NRXN3: variants seen among roughly 807,000 people sequenced by gnomAD.
NRXN3 encodes neurexin 3, also known as neurexin III.
A neutral mutation model predicts 137.6 loss-of-function variants in NRXN3; 32 were observed. That is an observed-to-expected ratio of 0.23 (90% CI 0.18 to 0.31). The LOEUF is 0.31. Ranked by LOEUF, NRXN3 falls within the 10% of genes least tolerant of loss-of-function variation. The pLI, the probability that NRXN3 is intolerant of heterozygous loss-of-function variation, is 1.00. For missense variants in NRXN3, 1,574 were observed against 2,062.5 expected (o/e 0.76, Z 4.59); for synonymous variants, 798 against 784.5 (o/e 1.02, Z -0.29).
At chr14:79,262,600 A>G (rs1436444289) in intron 15 of NRXN3, among the ~76,000 whole-genome samples, 8 of 151,988 alleles carry the variant, frequency 5.3e-5, no homozygotes, top group Non-Finnish European at 7.4e-5. Context: ...GAGAAGAAGA[A>G]TCATTTTTCC....
At chr14:79,677,572 G>C (rs968232312) in intron 17 of NRXN3, among the ~76,000 whole-genome samples, 6 of 152,064 alleles carry the variant, frequency 3.9e-5, no homozygotes, top group African/African-American at 9.7e-5. Context: ...TGTTCTCAGG[G>C]AGCAATTGAG....
chr14:79,114,935 A>G (rs1430208126), intron 15 of NRXN3, among the ~76,000 whole-genome samples: 1 of 152,118 alleles, frequency 6.6e-6, no homozygotes, highest in Non-Finnish European at 1.5e-5. Context: ...TCCCAGAGGT[A>G]TTATCTTTAA....
chr14:78,619,081 G>A (rs1876467420), intron 4 of NRXN3, among the ~76,000 whole-genome samples: 2 of 152,150 alleles, frequency 1.3e-5, no homozygotes, highest in African/African-American at 2.4e-5. Flanking sequence ...ATCAGGGAGG[G>A]AGGAGCATCG....
intron 10 of NRXN3, among the ~76,000 whole-genome samples, chr14:78,876,577 C>T (rs760365550): frequency 3.3e-5 from 5 of 152,224 alleles, no homozygotes; most frequent in Admixed American, 2.0e-4. Flanking sequence ...GACTCACATG[C>T]CAGGTAACAT....
chr14:79,730,099 C>T (rs899629360), intron 19 of NRXN3, among the ~76,000 whole-genome samples: 3 of 151,998 alleles, frequency 2.0e-5, no homozygotes, highest in Non-Finnish European at 2.9e-5. Context: ...TTTAATGGAC[C>T]GAGGAAGAAG....
At chr14:78,985,500 A>G (rs1321731265) in intron 14 of NRXN3, among the ~76,000 whole-genome samples, 3 of 152,232 alleles carry the variant, frequency 2.0e-5, no homozygotes, top group African/African-American at 4.8e-5. Flanking sequence ...GTTATTGACT[A>G]ATGTTTCATT....
At chr14:79,289,036 C>T (rs142947590) in intron 15 of NRXN3, among the ~76,000 whole-genome samples, 1 of 152,226 alleles carries the variant, frequency 6.6e-6, no homozygotes, top group African/African-American at 2.4e-5. Flanking sequence ...TTCAAAAGCA[C>T]ACCAATGGGC....
chr14:79,022,005 T>C (rs1177862534), intron 15 of NRXN3, among the ~76,000 whole-genome samples: 1 of 152,186 alleles, frequency 6.6e-6, no homozygotes, highest in African/African-American at 2.4e-5. Flanking sequence ...TTTGTGTGTT[T>C]TGGCAAGCAA....
intron 3 of NRXN3, among the ~76,000 whole-genome samples, chr14:78,281,303 C>T (rs148642219): frequency 6.6e-6 from 1 of 152,338 alleles, no homozygotes; most frequent in African/African-American, 2.4e-5. Flanking sequence ...AGTTCTCTGA[C>T]TCTTTTTTCC....
intron 19 of NRXN3, among the ~76,000 whole-genome samples, chr14:79,731,375 G>T (rs527651667): frequency 5.3e-5 from 8 of 152,134 alleles, no homozygotes; most frequent in Non-Finnish European, 1.2e-4. Flanking sequence ...TTATTTAAAA[G>T]ATTTCACAGG....
intron 4 of NRXN3, among the ~76,000 whole-genome samples, chr14:78,502,156 G>C (rs967588872): frequency 6.6e-6 from 1 of 152,038 alleles, no homozygotes; most frequent in Non-Finnish European, 1.5e-5. Flanking sequence ...CGTGTTGAGA[G>C]GCCTGTCCAT....
chr14:79,323,441 A>G (rs1033302994), intron 15 of NRXN3, among the ~76,000 whole-genome samples: 10 of 152,262 alleles, frequency 6.6e-5, no homozygotes, highest in African/African-American at 2.4e-4. Flanking sequence ...TTATTATTCA[A>G]TAAAAGGAAG....
At chr14:79,607,492 A>C (rs966671944) in intron 16 of NRXN3, among the ~76,000 whole-genome samples, 1 of 152,358 alleles carries the variant, frequency 6.6e-6, no homozygotes, top group African/African-American at 2.4e-5. Flanking sequence ...TCACAGAGGA[A>C]GCAGAGAAAT....
At chr14:78,751,993 C>T (rs1036922306) in intron 8 of NRXN3, among the ~76,000 whole-genome samples, 3 of 152,198 alleles carry the variant, frequency 2.0e-5, no homozygotes, top group South Asian at 2.1e-4. Flanking sequence ...TAGGAGATCA[C>T]GCCACAGGCA....
chr14:78,368,953 C>T (rs919927985), intron 4 of NRXN3, among the ~76,000 whole-genome samples: 1 of 152,084 alleles, frequency 6.6e-6, no homozygotes, highest in Non-Finnish European at 1.5e-5. Flanking sequence ...TATTTCTTAC[C>T]TAGGGTTACT....
At chr14:79,034,256 AC>A (rs1568058703) in intron 15 of NRXN3, among the ~76,000 whole-genome samples, 1 of 151,924 alleles carries the variant, frequency 6.6e-6, no homozygotes, top group Non-Finnish European at 1.5e-5. Context: ...AAAAATAGAA[AC>A]TTTTTAATAG....
chr14:79,867,658 C>G lies in NRXN3; in HGVS notation c.*5694C>G, dbSNP rs1447784463. Reference sequence around the variant, plus strand: ...TGTTGGAGGGGATATGGTTCTGTTTCTAGCAAATGTATAGTAGTGGGAATT... The same window carrying G: ...TGTTGGAGGGGATATGGTTCTGTTTGTAGCAAATGTATAGTAGTGGGAATT... On this transcript the variant is annotated 3_prime_UTR_variant, in exon 21 of 21. Coordinates refer to ENST00000335750, the MANE Select transcript of NRXN3 (RefSeq NM_001330195.2). 6.6e-6 allele frequency: 1 copy of G among 152,130 alleles called. No individual in the cohort carries two copies. Among genetic ancestry groups the G allele is most frequent in the Non-Finnish European group, 1.5e-5 (1 of 68,034 alleles). 9.4% of individuals were successfully genotyped at this position (152,130 alleles called of 1,614,324 possible).
chr14:79,419,265 A>G (rs1039880076), intron 15 of NRXN3, among the ~76,000 whole-genome samples: 14 of 152,134 alleles, frequency 9.2e-5, no homozygotes, highest in Non-Finnish European at 1.9e-4. Flanking sequence ...AGCTGGTGCA[A>G]TAGCTCAAAT....
At chr14:78,625,841 CA>C (rs1178109353) in intron 4 of NRXN3, among the ~76,000 whole-genome samples, 1 of 152,132 alleles carries the variant, frequency 6.6e-6, no homozygotes, top group Non-Finnish European at 1.5e-5. Flanking sequence ...CAGTACAGGG[CA>C]GTAGTAAAGA....
Sources: gnomAD v4.1 joint callset for allele counts (sites outside exome capture counted in the v4.1 genomes callset) on GRCh38, gnomAD v4.1.1 for gene constraint, MANE v1.5 for transcripts, NCBI Gene and HGNC (gene_info 2026-07-23, HGNC 2026-07-21) for gene names.